RNF111: variants seen among roughly 807,000 people sequenced by gnomAD.
RNF111 encodes ring finger protein 111, also known as E3 ubiquitin-protein ligase Arkadia.
Under a neutral mutation model 95.1 loss-of-function variants are expected in RNF111, and 17 were observed. That is an observed-to-expected ratio of 0.18 (90% CI 0.12 to 0.27). The LOEUF (loss-of-function observed/expected upper bound fraction) is 0.27. Among genes scored for constraint, RNF111 ranks in the 10% least tolerant of loss-of-function variants. RNF111 has a pLI of 1.00. For synonymous variants in RNF111, 440 were observed against 414.8 expected (o/e 1.06, Z -0.74); for missense variants, 1,189 against 1,210.4 (o/e 0.98, Z 0.26).
intron 2 of RNF111, chr15:59,049,373 T>C (rs13379721): frequency 6.7e-6 from 1 of 149,136 alleles, no homozygotes; most frequent in Non-Finnish European, 1.5e-5. Flanking sequence ...TTTTTTTTTT[T>C]TTTTTTTTTT....
chr15:59,039,089 C>T (rs910416810), intron 2 of RNF111, among the ~76,000 whole-genome samples: 4 of 152,024 alleles, frequency 2.6e-5, no homozygotes, highest in Non-Finnish European at 4.4e-5. Context: ...CTCTGCCTCC[C>T]GAGTAGCTGG....
At position 59,067,003 on chromosome 15, in the gene RNF111, G is replaced by C; in HGVS notation, c.1606G>C (p.Ala536Pro). 1 of 1,614,050 alleles carries C rather than the reference G, an allele frequency of 6.2e-7. No homozygotes were observed. Among genetic ancestry groups the C allele is most frequent in the Non-Finnish European group, 8.5e-7 (1 of 1,180,016 alleles). ...VPVSPSFSDP[A>P]CPVERPPQVQ... Reference sequence around the variant, plus strand: ...AGTTTCTCCTTCCTTTAGTGATCCTGCTTGCCCTGTGGAAAGACCTCCACA... The same window carrying C: ...AGTTTCTCCTTCCTTTAGTGATCCTCCTTGCCCTGTGGAAAGACCTCCACA... Residue 536 changes from alanine (A) to proline (P), a missense_variant, in exon 6 of 14, where the codon GCT becomes CCT. This residue lies in a region of RNF111 where 1,024 missense variants were observed against 925.9 expected (regional missense o/e 1.11). Transcript: ENST00000348370.
At chr15:58,993,291 C>T (rs2038901835) in intron 1 of RNF111, among the ~76,000 whole-genome samples, 1 of 152,114 alleles carries the variant, frequency 6.6e-6, no homozygotes, top group Non-Finnish European at 1.5e-5. Context: ...AGTGGATCAC[C>T]TGACATCAGG....
At chr15:59,024,992 C>T (rs1480501335) in intron 1 of RNF111, among the ~76,000 whole-genome samples, 2 of 152,180 alleles carry the variant, frequency 1.3e-5, no homozygotes, top group East Asian at 1.9e-4. Flanking sequence ...TGTTGTAATG[C>T]GTCAGGGTTT....
intron 1 of RNF111, chr15:59,004,098 G>A: frequency 9.3e-7 from 1 of 1,079,474 alleles, no homozygotes; most frequent in Non-Finnish European, 1.2e-6. Context: ...CCAGACTCTT[G>A]GATTTATTTA....
intron 2 of RNF111, among the ~76,000 whole-genome samples, chr15:59,043,281 A>G (rs1245570169): frequency 2.2e-4 from 34 of 151,922 alleles, no homozygotes. Flanking sequence ...CAGCCTTCCA[A>G]GCAGCTGGGA....
At chr15:59,086,394 C>T (rs1198540357) in intron 10 of RNF111, among the ~76,000 whole-genome samples, 2 of 152,236 alleles carry the variant, frequency 1.3e-5, no homozygotes, top group South Asian at 2.1e-4. Flanking sequence ...GCTGGGATTA[C>T]AGGCTTGAGC....
intron 2 of RNF111, among the ~76,000 whole-genome samples, chr15:59,041,614 A>G (rs1476409555): frequency 2.0e-5 from 3 of 152,166 alleles, no homozygotes; most frequent in African/African-American, 7.2e-5. Context: ...GTCATTTCAT[A>G]TTTGTTTGAC....
At chr15:59,024,457 C>G (rs952476172) in intron 1 of RNF111, among the ~76,000 whole-genome samples, 1 of 47,002 alleles carries the variant, frequency 2.1e-5, no homozygotes, top group Non-Finnish European at 5.0e-5. Context: ...CTAGCAAGAT[C>G]TTTTCAGCAA....
In RNF111 at chr15:59,058,339, C is replaced by T. The variant is rs928204388; in HGVS notation, c.1172-17C>T. ...AATTTGTTTTGAAATGCTAAGTTGA[C>T]ATTTTGTATTTTGTAGAACCTACTG... is the stretch of plus-strand genomic sequence containing the variant. On this transcript the variant is annotated splice_polypyrimidine_tract_variant and intron_variant, in intron 4 of 13. Transcript: ENST00000348370. 6.2e-7 allele frequency: 1 copy of T among 1,605,970 alleles called. No individual in the cohort carries two copies. The highest frequency in any genetic ancestry group is 8.5e-7 in the Non-Finnish European group (1 of 1,172,794).
At chr15:59,046,118 G>A (rs375198191) in intron 2 of RNF111, among the ~76,000 whole-genome samples, 87 of 150,688 alleles carry the variant, frequency 5.8e-4, no homozygotes, top group Non-Finnish European at 7.5e-4. Context: ...TTTTTAAAAC[G>A]TTTCTGTAAA....
intron 3 of RNF111, among the ~76,000 whole-genome samples, chr15:59,054,048 C>T (rs1196498547): frequency 6.6e-6 from 1 of 152,114 alleles, no homozygotes; most frequent in Non-Finnish European, 1.5e-5. Flanking sequence ...CAATCCTCCT[C>T]CCTCAGCCTT....
intron 5 of RNF111, among the ~76,000 whole-genome samples, chr15:59,064,151 G>T (rs1948597728): frequency 6.6e-6 from 1 of 152,094 alleles, no homozygotes. Flanking sequence ...TTTAACACTT[G>T]ACCAGGTTAT....
chr15:59,086,238 G>A (rs1295913410), intron 10 of RNF111, among the ~76,000 whole-genome samples: 13 of 152,014 alleles, frequency 8.6e-5, no homozygotes, highest in Non-Finnish European at 1.9e-4. Context: ...TCCTGCCTCA[G>A]CCTCCCAAGT....
chr15:59,018,537 A>G lies in RNF111; in HGVS notation c.-19-12267A>G, dbSNP rs549608144. ...AAATCTTTAATTTCAAAATTGGTAA[A>G]TGGTTACTTTTTAGAAAAAAAACAA... On this transcript the variant is annotated intron_variant, in intron 1 of 13. Transcript: ENST00000348370. Among the ~76,000 whole-genome samples, 9 of 152,094 alleles carry G rather than the reference A, an allele frequency of 5.9e-5. No individual in the cohort carries two copies. In the East Asian group the frequency reaches 1.7e-3, roughly 29 times the overall value.
intron 1 of RNF111, among the ~76,000 whole-genome samples, chr15:58,993,844 A>G (rs2038926228): frequency 6.6e-6 from 1 of 152,120 alleles, no homozygotes; most frequent in African/African-American, 2.4e-5. Context: ...TTTAGTTTGT[A>G]TGTGATTGGA....
intron 2 of RNF111, among the ~76,000 whole-genome samples, chr15:59,034,836 T>G (rs1241698088): frequency 1.3e-5 from 2 of 152,248 alleles, no homozygotes; most frequent in Non-Finnish European, 2.9e-5. Context: ...ATTTACTACA[T>G]GTTAATATGA....
chr15:59,016,117 A>G (rs1280811986), intron 1 of RNF111, among the ~76,000 whole-genome samples: 8 of 151,442 alleles, frequency 5.3e-5, no homozygotes, highest in African/African-American at 9.7e-5. Flanking sequence ...GATTACAGGC[A>G]TGAGTCACTG....
intron 1 of RNF111, among the ~76,000 whole-genome samples, chr15:59,004,845 A>C (rs1212646916): frequency 6.6e-6 from 1 of 152,214 alleles, no homozygotes; most frequent in Non-Finnish European, 1.5e-5. Context: ...TATATGGCCT[A>C]TAATATGGGA....
Sources: allele counts gnomAD v4.1 joint callset (sites outside exome capture counted in the v4.1 genomes callset), GRCh38; gene constraint gnomAD v4.1.1; regional missense constraint gnomAD v4.1.1; transcripts MANE v1.5; gene names NCBI Gene and HGNC (gene_info 2026-07-23, HGNC 2026-07-21).